Variants in MCC observed in about 807,000 individuals in gnomAD.
The protein encoded by MCC is colorectal mutant cancer protein.
Under a neutral mutation model 116.2 loss-of-function variants are expected in MCC, and 90 were observed. The observed-to-expected ratio is 0.77, with a 90% CI of 0.65 to 0.92. The LOEUF is 0.92. MCC is among the 40% of genes least tolerant of loss of function. The pLI is 0.00. For synonymous variants in MCC, 578 were observed against 510.5 expected (o/e 1.13, Z -1.78); for missense variants, 1,516 against 1,312.2 (o/e 1.16, Z -2.40).
rs547504069 is a variant in MCC at position 113,146,348 on chromosome 5, C to A, written c.742-2988G>T. 2.9e-3 allele frequency among the ~76,000 whole-genome samples: 3 copies of A among 1,034 alleles called. No individual in the cohort carries two copies. In the South Asian group the frequency reaches 0.25, roughly 86 times the overall value. 0.7% of individuals were successfully genotyped at this position (1,034 alleles called of 152,430 possible). A position where few individuals can be genotyped will look rare whatever the true frequency, so the allele number is the denominator to read the frequency against. On this transcript the variant is annotated intron_variant, in intron 4 of 18. Transcript: ENST00000408903. Reference sequence around the variant, plus strand: ...TGCCATCAAGGCACTGAAGCTGTTGCAGCTGCAATCTTCTCTCCTCTATGT... The same window carrying A: ...TGCCATCAAGGCACTGAAGCTGTTGAAGCTGCAATCTTCTCTCCTCTATGT...
At chr5:113,329,382 AT>A (rs1178772722) in intron 3 of MCC, among the ~76,000 whole-genome samples, 1 of 104,188 alleles carries the variant, frequency 9.6e-6, no homozygotes, top group Non-Finnish European at 1.9e-5. Context: ...AACTATATAT[AT>A]ACACACACAC....
At chr5:113,277,572 A>G (rs1364261421) in intron 3 of MCC, among the ~76,000 whole-genome samples, 1 of 152,170 alleles carries the variant, frequency 6.6e-6, no homozygotes, top group Non-Finnish European at 1.5e-5. Context: ...TTTTCTTAAA[A>G]ACAATTTTAA....
chr5:113,335,819 T>A (rs1026888725), intron 3 of MCC, among the ~76,000 whole-genome samples: 1 of 151,690 alleles, frequency 6.6e-6, no homozygotes, highest in Non-Finnish European at 1.5e-5. Context: ...TGTATGGCCA[T>A]GAGAGACATT....
chr5:113,324,978 A>C (rs1767516675), intron 3 of MCC, among the ~76,000 whole-genome samples: 1 of 151,520 alleles, frequency 6.6e-6, no homozygotes, highest in African/African-American at 2.4e-5. Flanking sequence ...GACTACAGGC[A>C]CATGTCACCA....
chr5:113,478,031 G>A (rs1446902839), intron 1 of MCC, among the ~76,000 whole-genome samples: 2 of 152,148 alleles, frequency 1.3e-5, no homozygotes, highest in Non-Finnish European at 2.9e-5. Flanking sequence ...GTGTTAAAAT[G>A]GAACTTCTAG....
At chr5:113,226,428 G>A (rs1009468704) in intron 3 of MCC, among the ~76,000 whole-genome samples, 1 of 152,206 alleles carries the variant, frequency 6.6e-6, no homozygotes, top group African/African-American at 2.4e-5. Context: ...CTGCACAGGA[G>A]TGCAACAAGG....
chr5:113,388,665 C>T (rs1348410573), intron 1 of MCC, among the ~76,000 whole-genome samples: 1 of 152,190 alleles, frequency 6.6e-6, no homozygotes, highest in Non-Finnish European at 1.5e-5. Flanking sequence ...AGGCCTTCAC[C>T]AGAAGCAGAT....
chr5:113,169,010 C>A (rs1233697799), intron 3 of MCC, among the ~76,000 whole-genome samples: 1 of 152,110 alleles, frequency 6.6e-6, no homozygotes, highest in Admixed American at 6.6e-5. Context: ...TTAAGACAAG[C>A]CCTCTGTGCC....
At chr5:113,263,614 AC>A (rs1287881789) in intron 3 of MCC, among the ~76,000 whole-genome samples, 3 of 152,334 alleles carry the variant, frequency 2.0e-5, no homozygotes, top group Non-Finnish European at 2.9e-5. Context: ...AGGCAAAAAG[AC>A]TGCAATAATT....
chr5:113,372,335 T>C (rs566656937), intron 2 of MCC, among the ~76,000 whole-genome samples: 4 of 152,328 alleles, frequency 2.6e-5, no homozygotes, highest in Non-Finnish European at 1.5e-5. Flanking sequence ...CAAGTAAGAC[T>C]GAACCAGTTT....
intron 3 of MCC, among the ~76,000 whole-genome samples, chr5:113,259,992 G>A (rs1765162088): frequency 6.6e-6 from 1 of 151,940 alleles, no homozygotes; most frequent in African/African-American, 2.4e-5. Flanking sequence ...CTCTAGAAAA[G>A]ATGAACAAAT....
At chr5:113,373,568 G>A (rs1027339477) in intron 2 of MCC, among the ~76,000 whole-genome samples, 1 of 152,114 alleles carries the variant, frequency 6.6e-6, no homozygotes, top group Non-Finnish European at 1.5e-5. Flanking sequence ...GGTGGGGGAA[G>A]GTTTACAGTT....
At chr5:113,072,024 G>A (rs991207187) in intron 11 of MCC, among the ~76,000 whole-genome samples, 2 of 152,222 alleles carry the variant, frequency 1.3e-5, no homozygotes, top group Non-Finnish European at 1.5e-5. Flanking sequence ...CTGTGGCAAA[G>A]TTAGCAAACA....
At chr5:113,181,990 G>A (rs1761653462) in intron 3 of MCC, among the ~76,000 whole-genome samples, 2 of 152,138 alleles carry the variant, frequency 1.3e-5, no homozygotes, top group African/African-American at 4.8e-5. Context: ...CCACAGCTGA[G>A]CCAGGCCCTG....
intron 13 of MCC, among the ~76,000 whole-genome samples, chr5:113,067,491 G>T (rs561186892): frequency 2.0e-5 from 3 of 152,200 alleles, no homozygotes; most frequent in Non-Finnish European, 4.4e-5. Flanking sequence ...TACAAAATTA[G>T]CCAGGCGTGG....
chr5:113,036,510 G>C (rs1333789811), intron 17 of MCC, among the ~76,000 whole-genome samples: 1 of 152,218 alleles, frequency 6.6e-6, no homozygotes, highest in Non-Finnish European at 1.5e-5. Context: ...CAGCCCTGCA[G>C]AACTAAGGCT....
intron 11 of MCC, among the ~76,000 whole-genome samples, chr5:113,075,355 C>A (rs1043048102): frequency 6.6e-6 from 1 of 152,210 alleles, no homozygotes; most frequent in African/African-American, 2.4e-5. Context: ...CAAGCCTCCC[C>A]GATGGGTGCC....
At chr5:113,104,125 A>G (rs972131976) in intron 7 of MCC, 67 bp downstream of exon 7, 5 of 1,448,098 alleles carry the variant, frequency 3.5e-6, no homozygotes, top group Non-Finnish European at 4.7e-6. Context: ...CTGCACTTCA[A>G]GAGAAGGATT....
At chr5:113,028,079 G>A (rs1336589195) in intron 18 of MCC, among the ~76,000 whole-genome samples, 2 of 152,164 alleles carry the variant, frequency 1.3e-5, no homozygotes, top group African/African-American at 2.4e-5. Flanking sequence ...GCCCAGGTAG[G>A]TCCATTCCAT....
Sources: gnomAD v4.1 joint callset for allele counts (sites outside exome capture counted in the v4.1 genomes callset) on GRCh38, gnomAD v4.1.1 for gene constraint, MANE v1.5 for transcripts, NCBI Gene and HGNC (gene_info 2026-07-23, HGNC 2026-07-21) for gene names.